Variants in ST6GALNAC3 observed in about 807,000 individuals in gnomAD.
ST6GALNAC3 encodes the protein ST6 N-acetylgalactosaminide alpha-2,6-sialyltransferase 3.
Under a neutral mutation model 32.7 loss-of-function variants are expected in ST6GALNAC3, and 25 were observed. The ratio of observed to expected loss-of-function variants is 0.76; its 90% CI spans 0.56 to 1.07. The LOEUF (loss-of-function observed/expected upper bound fraction) is 1.07. Among genes scored for constraint, ST6GALNAC3 ranks in the 50% least tolerant of loss-of-function variants. The probability of loss-of-function intolerance (pLI) is 0.00; values close to 1 mark genes in which losing one functional copy is unlikely to be tolerated. For synonymous variants in ST6GALNAC3, 129 were observed against 133.1 expected (o/e 0.97, Z 0.21); for missense variants, 355 against 382.4 (o/e 0.93, Z 0.60).
chr1:76,203,610 T>A (rs1042738028), intron 1 of ST6GALNAC3, among the ~76,000 whole-genome samples: 27 of 152,292 alleles, frequency 1.8e-4, no homozygotes, highest in African/African-American at 5.8e-4. Flanking sequence ...ATGCAAGAGG[T>A]AAATATTTAG....
At chr1:76,112,758 G>C (rs899790346) in intron 1 of ST6GALNAC3, among the ~76,000 whole-genome samples, 9 of 150,914 alleles carry the variant, frequency 6.0e-5, no homozygotes, top group Non-Finnish European at 1.0e-4. Flanking sequence ...GGGCAGAGGC[G>C]CTCCCCACAT....
chr1:76,532,737 A>G (rs541130723), intron 3 of ST6GALNAC3, among the ~76,000 whole-genome samples: 1 of 152,160 alleles, frequency 6.6e-6, no homozygotes, highest in Non-Finnish European at 1.5e-5. Context: ...ACATCCCTGG[A>G]GTTATAAGTA....
At chr1:76,119,166 G>A (rs1024219135) in intron 1 of ST6GALNAC3, among the ~76,000 whole-genome samples, 1 of 152,170 alleles carries the variant, frequency 6.6e-6, no homozygotes, top group Non-Finnish European at 1.5e-5. Flanking sequence ...TCACTTCACA[G>A]GCATTACAAG....
At chr1:76,479,869 G>T (rs1281659086) in intron 3 of ST6GALNAC3, among the ~76,000 whole-genome samples, 3 of 151,808 alleles carry the variant, frequency 2.0e-5, no homozygotes, top group Non-Finnish European at 2.9e-5. Flanking sequence ...ATTAAGATTT[G>T]CTAAACTTAA....
chr1:76,366,725 C>A (rs1457259796), intron 2 of ST6GALNAC3, among the ~76,000 whole-genome samples: 3 of 151,894 alleles, frequency 2.0e-5, no homozygotes, highest in African/African-American at 7.3e-5. Flanking sequence ...CAAAAAAATA[C>A]ACACACAAGT....
At chr1:76,553,509 C>T (rs532918871) in intron 3 of ST6GALNAC3, among the ~76,000 whole-genome samples, 1 of 152,184 alleles carries the variant, frequency 6.6e-6, no homozygotes, top group South Asian at 2.1e-4. Flanking sequence ...ACACCTATAT[C>T]CAAAATTATT....
chr1:76,268,903 C>T (rs1411253387), intron 1 of ST6GALNAC3, among the ~76,000 whole-genome samples: 1 of 152,208 alleles, frequency 6.6e-6, no homozygotes, highest in African/African-American at 2.4e-5. Flanking sequence ...CCTCTCCCAC[C>T]AGGGACCTCC....
At chr1:76,158,147 G>A (rs549409106) in intron 1 of ST6GALNAC3, among the ~76,000 whole-genome samples, 7 of 152,332 alleles carry the variant, frequency 4.6e-5, no homozygotes, top group African/African-American at 1.4e-4. Flanking sequence ...GCCATCTGTG[G>A]GGTGGTTGTG....
intron 2 of ST6GALNAC3, among the ~76,000 whole-genome samples, chr1:76,395,487 A>C (rs9803953): frequency 0.53 from 80,405 of 151,532 alleles, 22,244 homozygotes; most frequent in East Asian, 0.78. Context: ...GTATACCTGC[A>C]TCCTATGTTT....
chr1:76,166,586 T>C (rs1032046829), intron 1 of ST6GALNAC3, among the ~76,000 whole-genome samples: 1 of 152,234 alleles, frequency 6.6e-6, no homozygotes, highest in East Asian at 1.9e-4. Flanking sequence ...TAAAATACTT[T>C]GGGCAGCATG....
At chr1:76,615,219 A>C (rs1354675560) in intron 3 of ST6GALNAC3, among the ~76,000 whole-genome samples, 2 of 152,114 alleles carry the variant, frequency 1.3e-5, no homozygotes, top group African/African-American at 2.4e-5. Flanking sequence ...GCTACCTTCA[A>C]TCCACCTTCT....
chr1:76,236,921 G>T (rs1570536243), intron 1 of ST6GALNAC3, among the ~76,000 whole-genome samples: 1 of 152,084 alleles, frequency 6.6e-6, no homozygotes, highest in African/African-American at 2.4e-5. Flanking sequence ...ACAGTGGCAG[G>T]TACCTGATTT....
chr1:76,455,992 C>T (rs1333973999), intron 3 of ST6GALNAC3, among the ~76,000 whole-genome samples: 1 of 152,074 alleles, frequency 6.6e-6, no homozygotes, highest in Non-Finnish European at 1.5e-5. Context: ...TTGAGACCAG[C>T]CTGGCCAACA....
chr1:76,252,328 G>C (rs1412434040), intron 1 of ST6GALNAC3, among the ~76,000 whole-genome samples: 1 of 152,108 alleles, frequency 6.6e-6, no homozygotes, highest in Non-Finnish European at 1.5e-5. Context: ...ATCTACTACT[G>C]TTATATAAAT....
intron 1 of ST6GALNAC3, among the ~76,000 whole-genome samples, chr1:76,130,324 C>T (rs950473565): frequency 6.6e-6 from 1 of 152,176 alleles, no homozygotes; most frequent in East Asian, 1.9e-4. Flanking sequence ...ACACCATTAC[C>T]ACCACATGAA....
intron 2 of ST6GALNAC3, among the ~76,000 whole-genome samples, chr1:76,348,699 C>G (rs1648719127): frequency 6.6e-6 from 1 of 152,138 alleles, no homozygotes; most frequent in African/African-American, 2.4e-5. Context: ...AGTTCCAAAA[C>G]CTCCTGAAGC....
chr1:76,214,800 G>A (rs1190499709), intron 1 of ST6GALNAC3, among the ~76,000 whole-genome samples: 1 of 152,166 alleles, frequency 6.6e-6, no homozygotes, highest in South Asian at 2.1e-4. Context: ...TTACTGGGTC[G>A]TAGGGCAGTT....
Position 76,508,615 on chromosome 1 carries a change from G to A in ST6GALNAC3, c.623+96198G>A, listed in dbSNP as rs540952467. 2.6e-5 allele frequency among the ~76,000 whole-genome samples: 4 copies of A among 152,204 alleles called. No homozygotes were observed. In the East Asian group the frequency reaches 7.8e-4, roughly 30 times the overall value. On this transcript the variant is annotated intron_variant, in intron 3 of 4. Coordinates refer to ENST00000328299, the MANE Select transcript of ST6GALNAC3 (RefSeq NM_152996.4). Reference sequence around the variant, plus strand: ...TACAGCCCCAGTGTTGCTGAGGAAGGCATCCAAAGAGACTTCGGGAAGGGT... The same window carrying A: ...TACAGCCCCAGTGTTGCTGAGGAAGACATCCAAAGAGACTTCGGGAAGGGT...
At chr1:76,406,554 A>AT (rs1174918079) in intron 2 of ST6GALNAC3, among the ~76,000 whole-genome samples, 1 of 151,986 alleles carries the variant, frequency 6.6e-6, no homozygotes, top group Non-Finnish European at 1.5e-5. Context: ...ATTTTCAATA[A>AT]TTTTTTATGT....
Sources: gnomAD v4.1 joint callset for allele counts (sites outside exome capture counted in the v4.1 genomes callset) on GRCh38, gnomAD v4.1.1 for gene constraint, MANE v1.5 for transcripts, NCBI Gene and HGNC (gene_info 2026-07-23, HGNC 2026-07-21) for gene names.